The following TACC1 variants were observed in gnomAD, a reference collection of about 807,000 sequenced individuals.
The protein encoded by TACC1 is transforming acidic coiled-coil containing protein 1.
Under a neutral mutation model 84.4 loss-of-function variants are expected in TACC1, and 48 were observed. The observed-to-expected ratio is 0.57, with a 90% CI of 0.45 to 0.72. TACC1 has a LOEUF of 0.72. TACC1 is among the 30% of genes least tolerant of loss of function. The pLI is 0.00. For synonymous variants in TACC1, 372 were observed against 376.3 expected (o/e 0.99, Z 0.13); for missense variants, 920 against 973.0 (o/e 0.95, Z 0.72).
intron 2 of TACC1, among the ~76,000 whole-genome samples, chr8:38,794,090 G>C (rs2152030673): frequency 6.6e-6 from 1 of 152,242 alleles, no homozygotes; most frequent in South Asian, 2.1e-4. Context: ...ATGTGGCCTG[G>C]CTATTTGTCA....
intron 11 of TACC1, among the ~76,000 whole-genome samples, chr8:38,845,407 G>T (rs1832038651): frequency 6.6e-6 from 1 of 152,024 alleles, no homozygotes; most frequent in Non-Finnish European, 1.5e-5. Context: ...TAGGTTTATT[G>T]TATATCCCTC....
Position 38,827,177 on chromosome 8 carries a change from G to T in TACC1, c.1462G>T (p.Ala488Ser). 1 of 1,613,466 alleles carries T rather than the reference G, an allele frequency of 6.2e-7. No homozygotes were observed. Among genetic ancestry groups the T allele is most frequent in the East Asian group, 2.2e-5 (1 of 44,886 alleles). Residue 488 changes from alanine (A) to serine (S), a missense_variant, in exon 5 of 13, where the codon GCA becomes TCA. Around this residue, in one of 2 missense-constraint regions of TACC1, gnomAD observed 762 missense variants for 747.3 expected, o/e 1.02. Coordinates refer to ENST00000317827, the MANE Select transcript of TACC1 (RefSeq NM_006283.3). ...ALDACSRDEG[A>S]VISQISDISN... Reference sequence around the variant, plus strand: ...CTGTTGTGTTTCTCAGGATGAAGGGGCAGTGATCTCCCAGATTTCAGACAT... The same window carrying T: ...CTGTTGTGTTTCTCAGGATGAAGGGTCAGTGATCTCCCAGATTTCAGACAT...
At chr8:38,783,088 ATCTATC>A (rs1380997136), upstream of TACC1, among the ~76,000 whole-genome samples, 48 of 109,814 alleles carry the variant, frequency 4.4e-4, no homozygotes, top group African/African-American at 2.2e-3. Context: ...CTATCTATCT[ATCTATC>A]TATCTATCTA....
chr8:38,784,355 C>G (rs1373466847), upstream of TACC1, among the ~76,000 whole-genome samples: 1 of 152,070 alleles, frequency 6.6e-6, no homozygotes, highest in East Asian at 1.9e-4. Context: ...CACCTGAGGT[C>G]AGGAGTTCAA....
At chr8:38,842,554 A>G in intron 10 of TACC1, 107 bp downstream of exon 10, 1 of 1,213,316 alleles carries the variant, frequency 8.2e-7, no homozygotes, top group Non-Finnish European at 1.1e-6. Context: ...CCTTTTAAAT[A>G]GGAGCTCAGG....
chr8:38,759,375 G>A (rs1810756149), intron 3 of TACC1, among the ~76,000 whole-genome samples: 1 of 152,188 alleles, frequency 6.6e-6, no homozygotes, highest in East Asian at 1.9e-4. Context: ...GTAAATGTGT[G>A]GCCAAGTTTA....
chr8:38,800,832 C>G (rs1322385960), intron 2 of TACC1, among the ~76,000 whole-genome samples: 2 of 152,186 alleles, frequency 1.3e-5, no homozygotes, highest in Non-Finnish European at 2.9e-5. Context: ...CAAACTTTTT[C>G]AAACTGGCTG....
rs74628857 is a variant in TACC1, at chr8:38,751,378, T to C, written c.26+5885T>C. Among the ~76,000 whole-genome samples, 387 of 152,364 alleles carry C rather than the reference T, an allele frequency of 2.5e-3. 3 individuals are homozygous for C. The East Asian group carries it at 0.04, about 16-fold the overall frequency. ...GTGTGCTATAGCACTGGAGCTATCT[T>C]ACCCAGGTTTGAATCTAGCTTGGCC... On this transcript the variant is annotated intron_variant, in intron 3 of 14. Transcript: ENST00000518415.
chr8:38,840,127 T>G, intron 8 of TACC1, 97 bp from the exon 9 acceptor site: 1 of 750,050 alleles, frequency 1.3e-6, no homozygotes, highest in Non-Finnish European at 2.3e-6. Context: ...ACATTGTCAG[T>G]GTATGTTAAT....
chr8:38,745,548 T>C, intron 3 of TACC1: 1 of 674,552 alleles, frequency 1.5e-6, no homozygotes, highest in East Asian at 2.7e-5. Context: ...TGTTTGTTTT[T>C]GTTTTTGTTT....
chr8:38,789,487 A>T (rs1818149045), intron 2 of TACC1, among the ~76,000 whole-genome samples: 1 of 152,248 alleles, frequency 6.6e-6, no homozygotes, highest in Admixed American at 6.5e-5. Context: ...TCAGCAGTGA[A>T]GTCCTGCTCT....
intron 6 of TACC1, among the ~76,000 whole-genome samples, chr8:38,834,573 C>A (rs887285045): frequency 2.0e-5 from 3 of 152,138 alleles, no homozygotes; most frequent in Admixed American, 6.5e-5. Flanking sequence ...CCTTGGACTT[C>A]TGTTGGCATG....
At chr8:38,842,713 T>C (rs924244253) in intron 10 of TACC1, among the ~76,000 whole-genome samples, 10 of 152,258 alleles carry the variant, frequency 6.6e-5, no homozygotes, top group African/African-American at 2.4e-4. Flanking sequence ...GGCTGTGGCG[T>C]AGACTGCAAG....
Position 38,831,130 on chromosome 8 carries a change from G to A in TACC1, c.1666G>A (p.Glu556Lys). Residue 556 changes from glutamate (E) to lysine (K), a missense_variant, in exon 6 of 13, where the codon GAG becomes AAG. By Grantham distance (56) the Glu-to-Lys change is moderately conservative. Around this residue, in one of 2 missense-constraint regions of TACC1, gnomAD observed 762 missense variants for 747.3 expected, o/e 1.02. Transcript: ENST00000317827. ...HAFSSSEAGI[E>K]KETCQKMEED... is the part of the protein sequence containing the mutation. ...AAAATGACTTTCTGTCTTAGGCATA[G>A]AGAAGGAGACGTGCCAGAAGATGGA... 6.2e-7 allele frequency: 1 copy of A among 1,614,198 alleles called. No individual in the cohort carries two copies. Among genetic ancestry groups the A allele is most frequent in the Non-Finnish European group, 8.5e-7 (1 of 1,180,012 alleles).
At chr8:38,825,498 T>G in intron 4 of TACC1, 130 bp downstream of exon 4, 1 of 875,396 alleles carries the variant, frequency 1.1e-6, no homozygotes, top group Non-Finnish European at 1.9e-6. Flanking sequence ...AAGAAGCCAA[T>G]TTCCAGATCC....
chr8:38,808,035 A>G (rs1823170426), intron 2 of TACC1, among the ~76,000 whole-genome samples: 1 of 152,222 alleles, frequency 6.6e-6, no homozygotes, highest in Non-Finnish European at 1.5e-5. Context: ...CCAGAAGTGG[A>G]AATTTTGGTC....
rs1445800768 is a variant in TACC1 at position 38,851,858 on chromosome 8, C to T, written c.*3835C>T. 8.9e-6 allele frequency: 4 copies of T among 447,884 alleles called. No individual in the cohort carries two copies. In the East Asian group the frequency reaches 2.8e-4, roughly 31 times the overall value. The allele number at this position is 447,884 out of a possible 1,614,324, so 27.7% of individuals were successfully genotyped here. On this transcript the variant is annotated 3_prime_UTR_variant, in exon 13 of 13. Coordinates refer to ENST00000317827, the MANE Select transcript of TACC1 (RefSeq NM_006283.3). ...GTCTGGGAATCCCAGAATGTCAAGCCAAAGGTCTAAGAAGTCATCTCCTTC... is the reference window on the plus strand; with the variant it reads ...GTCTGGGAATCCCAGAATGTCAAGCTAAAGGTCTAAGAAGTCATCTCCTTC...
At chr8:38,813,754 G>T (rs1824789830) in intron 2 of TACC1, among the ~76,000 whole-genome samples, 1 of 152,146 alleles carries the variant, frequency 6.6e-6, no homozygotes, top group Admixed American at 6.5e-5. Context: ...TATCAGAAGG[G>T]TTTATGTGTT....
In TACC1 at chr8:38,836,129, CT is replaced by C. The variant is rs755090636; in HGVS notation, c.1714-32del. 3.3e-5 allele frequency: 53 copies of C among 1,609,454 alleles called. No individual in the cohort carries two copies. In the Admixed American group the frequency reaches 8.9e-4, roughly 27 times the overall value. ...ATGTCTGGGGTTAAGAAGCTGAAAGCTGACAGATTCAGTGTAATCCCTTTCC... is the reference window on the plus strand; with the variant it reads ...ATGTCTGGGGTTAAGAAGCTGAAAGCGACAGATTCAGTGTAATCCCTTTCC... On this transcript the variant is annotated intron_variant, in intron 6 of 12. Coordinates refer to ENST00000317827, the MANE Select transcript of TACC1 (RefSeq NM_006283.3).
Sources: gnomAD v4.1 joint callset for allele counts (sites outside exome capture counted in the v4.1 genomes callset) on GRCh38, gnomAD v4.1.1 for gene constraint, gnomAD v4.1.1 regional missense constraint, MANE v1.5 for transcripts, NCBI Gene and HGNC (gene_info 2026-07-23, HGNC 2026-07-21) for gene names.